FASTKD2: variants seen among roughly 807,000 people sequenced by gnomAD.
FASTKD2 encodes FAST kinase domains 2.
Under a neutral mutation model 63.6 loss-of-function variants are expected in FASTKD2, and 51 were observed. The observed-to-expected ratio is 0.80, with a 90% CI of 0.64 to 1.01. The LOEUF (loss-of-function observed/expected upper bound fraction) is 1.01. Among genes scored for constraint, FASTKD2 ranks in the 50% least tolerant of loss-of-function variants. FASTKD2 has a pLI of 0.00. For synonymous variants in FASTKD2, 284 were observed against 293.4 expected (o/e 0.97, Z 0.33); for missense variants, 786 against 831.1 (o/e 0.95, Z 0.67).
chr2:206,784,633 C>T (rs1259121820), intron 7 of FASTKD2, among the ~76,000 whole-genome samples: 5 of 152,154 alleles, frequency 3.3e-5, no homozygotes, highest in Non-Finnish European at 7.3e-5. Flanking sequence ...CATTAGTGTG[C>T]TCCTTAACTC....
chr2:206,787,659 G>A (rs1433553210), intron 8 of FASTKD2, among the ~76,000 whole-genome samples: 1 of 151,940 alleles, frequency 6.6e-6, no homozygotes, highest in East Asian at 1.9e-4. Flanking sequence ...ACTTTCCTGG[G>A]CATTTCCTTA....
chr2:206,768,071 C>T (rs1689573728), intron 2 of FASTKD2, among the ~76,000 whole-genome samples: 1 of 152,124 alleles, frequency 6.6e-6, no homozygotes. Flanking sequence ...AGGGGCAGAA[C>T]AAGAGGCCAG....
chr2:206,781,885 C>T (rs1284195068), intron 7 of FASTKD2, among the ~76,000 whole-genome samples: 1 of 152,004 alleles, frequency 6.6e-6, no homozygotes, highest in African/African-American at 2.4e-5. Flanking sequence ...CGTCCGCTCT[C>T]CTTGTGAGGT....
intron 7 of FASTKD2, among the ~76,000 whole-genome samples, chr2:206,785,070 G>A (rs911494195): frequency 2.0e-5 from 3 of 152,116 alleles, no homozygotes; most frequent in African/African-American, 7.2e-5. Context: ...AAGATGAAAG[G>A]CACATCTCAC....
At chr2:206,775,626 T>C (rs1217364617) in intron 7 of FASTKD2, among the ~76,000 whole-genome samples, 19 of 151,978 alleles carry the variant, frequency 1.3e-4, no homozygotes, top group Admixed American at 1.2e-3. Flanking sequence ...AGGGTAATAC[T>C]GGACTTGTAG....
At chr2:206,783,742 G>C (rs1690058544) in intron 7 of FASTKD2, among the ~76,000 whole-genome samples, 1 of 152,192 alleles carries the variant, frequency 6.6e-6, no homozygotes, top group African/African-American at 2.4e-5. Context: ...AATGGCAGTA[G>C]TAGAATTAGT....
intron 2 of FASTKD2, among the ~76,000 whole-genome samples, chr2:206,767,832 C>T (rs1253850250): frequency 2.0e-5 from 3 of 152,152 alleles, no homozygotes; most frequent in Non-Finnish European, 4.4e-5. Flanking sequence ...AATTCAGGCC[C>T]AGTAGATGAT....
At chr2:206,779,457 G>A (rs1372992736) in intron 7 of FASTKD2, among the ~76,000 whole-genome samples, 1 of 152,134 alleles carries the variant, frequency 6.6e-6, no homozygotes, top group Non-Finnish European at 1.5e-5. Flanking sequence ...ACATGACTGG[G>A]GAGGCCTCAG....
At chr2:206,769,890 A>T (rs1009883449) in intron 2 of FASTKD2, among the ~76,000 whole-genome samples, 19 of 152,208 alleles carry the variant, frequency 1.2e-4, no homozygotes, top group African/African-American at 4.6e-4. Context: ...GCATAAAAGG[A>T]TGTGTATCAG....
chr2:206,768,604 G>A (rs1429855413), intron 2 of FASTKD2, among the ~76,000 whole-genome samples: 1 of 152,180 alleles, frequency 6.6e-6, no homozygotes, highest in Non-Finnish European at 1.5e-5. Context: ...GGAGGCTGAG[G>A]TGGGAATATC....
Position 206,766,711 on chromosome 2 carries a change from G to A in FASTKD2, c.18G>A (p.Lys6=). The A allele has an allele frequency of 9.3e-6, 15 of 1,614,068 alleles. No homozygotes were observed. Among genetic ancestry groups the A allele is most frequent in the Non-Finnish European group, 1.2e-5 (14 of 1,179,988 alleles). ...TTGGTTTCATGTTGACAACTTTGAA[G>A]CCATTTGGAAGTGTTTCAGTGGAGA... MLTTL[K]PFGSVSVESK... is the part of the protein sequence containing the mutation. The change falls in exon 2 of 12, where the codon AAG becomes AAA. Residue 6 remains lysine (K), a synonymous_variant. Coordinates refer to ENST00000402774, the MANE Select transcript of FASTKD2 (RefSeq NM_001136193.2).
intron 6 of FASTKD2, among the ~76,000 whole-genome samples, chr2:206,773,631 G>A (rs1689747229): frequency 6.6e-6 from 1 of 152,136 alleles, no homozygotes. Flanking sequence ...GGAGAGTAAG[G>A]TAAATATTGA....
chr2:206,776,433 A>C (rs1689826742), intron 7 of FASTKD2, among the ~76,000 whole-genome samples: 1 of 152,044 alleles, frequency 6.6e-6, no homozygotes, highest in African/African-American at 2.4e-5. Flanking sequence ...ATATAAAAAA[A>C]ATCATTGCCT....
rs1324728432 is a variant in FASTKD2, at chr2:206,787,920, T to C, written c.1595-17T>C. 1.4e-6 allele frequency: 2 copies of C among 1,446,820 alleles called. No individual in the cohort carries two copies. The highest frequency in any genetic ancestry group is 1.9e-6 in the Non-Finnish European group (2 of 1,028,898). 89.6% of individuals were successfully genotyped at this position (1,446,820 alleles called of 1,614,324 possible). On this transcript the variant is annotated splice_polypyrimidine_tract_variant and intron_variant, in intron 8 of 11. Transcript: ENST00000402774. ...TTTATTTCTTCTTAATGATATACTCTCTTTTTCATCTTTTAGATGACATGA... is the reference window on the plus strand; with the variant it reads ...TTTATTTCTTCTTAATGATATACTCCCTTTTTCATCTTTTAGATGACATGA...
At position 206,787,686 on chromosome 2, in the gene FASTKD2, T is replaced by A. The variant is rs1463491612; in HGVS notation, c.1595-251T>A. Reference sequence around the variant, plus strand: ...ATTTCCTTATCCATAAATTGAGGAGTTTAGACTAAATGACCTCTAAAGATA... The same window carrying A: ...ATTTCCTTATCCATAAATTGAGGAGATTAGACTAAATGACCTCTAAAGATA... On this transcript the variant is annotated intron_variant, in intron 8 of 11. Coordinates refer to ENST00000402774, the MANE Select transcript of FASTKD2 (RefSeq NM_001136193.2). 3.3e-5 allele frequency among the ~76,000 whole-genome samples: 5 copies of A among 152,006 alleles called. No homozygotes were observed. The South Asian group carries it at 8.3e-4, about 25-fold the overall frequency.
Position 206,792,016 on chromosome 2 carries a change from C to T in FASTKD2, c.*214C>T. ...CAGAAGGGTTATTTTTCCAACCACA[C>T]CTATTCCCTCTAGTGCCCAGATATT... On this transcript the variant is annotated 3_prime_UTR_variant, in exon 12 of 12. Transcript: ENST00000402774. 2 of 554,306 alleles carry T rather than the reference C, an allele frequency of 3.6e-6. No individual in the cohort carries two copies. The highest frequency in any genetic ancestry group is 6.4e-6 in the Non-Finnish European group (2 of 310,890). The allele number at this position is 554,306 out of a possible 1,614,324, so 34.3% of individuals were successfully genotyped here.
chr2:206,766,973 G>A lies in FASTKD2; in HGVS notation c.280G>A (p.Gly94Ser), dbSNP rs1689511402. The change falls in exon 2 of 12, where the codon GGC becomes AGC. Residue 94 changes from glycine (G) to serine (S), a missense_variant. Transcript: ENST00000402774. ...FKSDVGFQTK[G>S]ISTLTALRIE... ...ATCAGATGTTGGCTTTCAAACAAAGGGCATAAGCACTCTAACAGCCCTTAG... is the reference window on the plus strand; with the variant it reads ...ATCAGATGTTGGCTTTCAAACAAAGAGCATAAGCACTCTAACAGCCCTTAG... 2 of 1,611,752 alleles carry A rather than the reference G, an allele frequency of 1.2e-6. No individual in the cohort carries two copies. The highest frequency in any genetic ancestry group is 1.3e-5 in the African/African-American group (1 of 74,948).
Position 206,767,110 on chromosome 2 carries a change from C to G in FASTKD2, c.417C>G (p.Val139=), listed in dbSNP as rs773204760. The G allele has an allele frequency of 2.5e-6, 4 of 1,614,006 alleles. No individual in the cohort carries two copies. The South Asian group carries it at 4.4e-5, about 18-fold the overall frequency. ...ELKKVNLNHE[V]SNEDVLTKET... is the part of the protein sequence containing the mutation. ...AGAAAGTAAACCTTAATCATGAAGT[C>G]TCCAATGAAGATGTTCTTACCAAGG... Residue 139 remains valine (V), a synonymous_variant, in exon 2 of 12, where the codon GTC becomes GTG. Transcript: ENST00000402774.
chr2:206,790,531 A>G, intron 10 of FASTKD2, 41 bp from the exon 11 acceptor site: 1 of 1,154,204 alleles, frequency 8.7e-7, no homozygotes, highest in Non-Finnish European at 1.3e-6. Flanking sequence ...CTAAATAGTA[A>G]TATCAATAAC....
Sources: allele counts gnomAD v4.1 joint callset (sites outside exome capture counted in the v4.1 genomes callset), GRCh38; gene constraint gnomAD v4.1.1; transcripts MANE v1.5; gene names NCBI Gene and HGNC (gene_info 2026-07-23, HGNC 2026-07-21).